PLCH1: variants seen among roughly 807,000 people sequenced by gnomAD.
PLCH1 encodes 1-phosphatidylinositol 4,5-bisphosphate phosphodiesterase eta-1.
PLCH1 carries 60 observed loss-of-function variants against 126.7 expected under a neutral mutation model. That is an observed-to-expected ratio of 0.47 (90% CI 0.38 to 0.59). PLCH1 has a LOEUF of 0.59. Among genes scored for constraint, PLCH1 ranks in the 20% least tolerant of loss-of-function variants. PLCH1 has a pLI of 0.00. For missense variants in PLCH1, 1,723 were observed against 2,040.0 expected (o/e 0.84, Z 2.99); for synonymous variants, 719 against 734.9 (o/e 0.98, Z 0.35).
chr3:155,638,863 A>G (rs1400120124), intron 2 of PLCH1, among the ~76,000 whole-genome samples: 3 of 152,216 alleles, frequency 2.0e-5, no homozygotes, highest in Non-Finnish European at 4.4e-5. Context: ...AAATGATTAA[A>G]GGGTTTGACT....
At chr3:155,610,391 CA>C (rs1287083816) in intron 2 of PLCH1, among the ~76,000 whole-genome samples, 1 of 60,782 alleles carries the variant, frequency 1.6e-5, no homozygotes, top group African/African-American at 1.0e-4. Context: ...AAAAAAAAAC[CA>C]TCACCTAGGC....
At chr3:155,591,655 GTCTCACATTTAA>G (rs1238409099) in intron 4 of PLCH1, among the ~76,000 whole-genome samples, 2 of 152,132 alleles carry the variant, frequency 1.3e-5, no homozygotes, top group Admixed American at 1.3e-4. Context: ...ACATTTTTAT[GTCTCACATTTAA>G]TCTCTAATAT....
chr3:155,727,225 A>G (rs1748403169), intron 1 of PLCH1, among the ~76,000 whole-genome samples: 1 of 151,940 alleles, frequency 6.6e-6, no homozygotes, highest in Non-Finnish European at 1.5e-5. Context: ...TCTTGTGTTT[A>G]GGGGAGGTTT....
chr3:155,637,370 C>G (rs890787270), intron 2 of PLCH1, among the ~76,000 whole-genome samples: 8 of 152,152 alleles, frequency 5.3e-5, no homozygotes, highest in African/African-American at 1.4e-4. Flanking sequence ...TTCGAAAGTT[C>G]TATATGACTT....
intron 21 of PLCH1, among the ~76,000 whole-genome samples, chr3:155,468,125 A>G (rs1039285144): frequency 1.3e-5 from 2 of 152,236 alleles, no homozygotes; most frequent in Non-Finnish European, 2.9e-5. Flanking sequence ...GTTAAAGCAT[A>G]AAGTTTTCAT....
intron 2 of PLCH1, among the ~76,000 whole-genome samples, chr3:155,699,905 A>G (rs773954363): frequency 6.6e-6 from 1 of 151,916 alleles, no homozygotes; most frequent in Non-Finnish European, 1.5e-5. Context: ...AACACTAACT[A>G]CAAAGTTTAC....
chr3:155,523,865 G>A (rs1055551200), intron 11 of PLCH1, 32 bp downstream of exon 11: 2 of 1,247,222 alleles, frequency 1.6e-6, no homozygotes, highest in Non-Finnish European at 2.3e-6. Context: ...AGCATATCAA[G>A]GATAAAAAAT....
At chr3:155,671,841 T>C (rs761212168) in intron 2 of PLCH1, among the ~76,000 whole-genome samples, 64 of 152,260 alleles carry the variant, frequency 4.2e-4, no homozygotes, top group Non-Finnish European at 7.9e-4. Context: ...GTTGGAGATA[T>C]AAAAGTAACA....
chr3:155,604,353 A>G (rs903435618), intron 2 of PLCH1, among the ~76,000 whole-genome samples: 11 of 152,330 alleles, frequency 7.2e-5, no homozygotes, highest in Non-Finnish European at 8.8e-5. Context: ...TCTTCCCAGT[A>G]AAGAACAAAC....
At chr3:155,493,053 T>C (rs1560064681) in intron 17 of PLCH1, among the ~76,000 whole-genome samples, 200 bp from the exon 18 acceptor site, 1 of 152,230 alleles carries the variant, frequency 6.6e-6, no homozygotes, top group East Asian at 1.9e-4. Context: ...TTAAAGCAAG[T>C]GTTTGCAATG....
At chr3:155,728,156 A>G (rs550683228) in intron 1 of PLCH1, among the ~76,000 whole-genome samples, 9 of 152,152 alleles carry the variant, frequency 5.9e-5, no homozygotes, top group Non-Finnish European at 1.2e-4. Context: ...ATTTAGGAAA[A>G]TGATTTTTCT....
intron 2 of PLCH1, among the ~76,000 whole-genome samples, chr3:155,632,445 G>C (rs1316505660): frequency 1.3e-5 from 2 of 152,208 alleles, no homozygotes; most frequent in Admixed American, 6.5e-5. Context: ...CAAATCAGCT[G>C]TAAAGCGGTT....
intron 21 of PLCH1, among the ~76,000 whole-genome samples, chr3:155,465,003 G>A (rs1712874040): frequency 6.6e-6 from 1 of 151,932 alleles, no homozygotes; most frequent in Non-Finnish European, 1.5e-5. Context: ...CAGCTGCTGG[G>A]GAGGCTGAGG....
At chr3:155,451,304 T>C (rs73011515) in intron 21 of PLCH1, among the ~76,000 whole-genome samples, 6,739 of 152,248 alleles carry the variant, frequency 0.044, 366 homozygotes, top group African/African-American at 0.13. Flanking sequence ...TCAATTATCT[T>C]GCCACGAGAA....
intron 11 of PLCH1, among the ~76,000 whole-genome samples, chr3:155,515,386 A>G (rs932385128): frequency 1.3e-5 from 2 of 152,258 alleles, no homozygotes; most frequent in Non-Finnish European, 2.9e-5. Flanking sequence ...TGCTATTAAA[A>G]TAAAACTACT....
intron 19 of PLCH1, among the ~76,000 whole-genome samples, chr3:155,490,068 A>G (rs976007584): frequency 1.3e-5 from 2 of 152,150 alleles, no homozygotes; most frequent in African/African-American, 2.4e-5. Context: ...GGTTTGCCCT[A>G]CTCTGAAACT....
At chr3:155,528,187 G>A (rs1722215174) in intron 10 of PLCH1, among the ~76,000 whole-genome samples, 1 of 144,486 alleles carries the variant, frequency 6.9e-6, no homozygotes, top group Non-Finnish European at 1.5e-5. Context: ...TTGCACCATT[G>A]TACTCCAGCC....
chr3:155,700,857 CA>C (rs1746220569), intron 2 of PLCH1, among the ~76,000 whole-genome samples: 1 of 152,120 alleles, frequency 6.6e-6, no homozygotes, highest in African/African-American at 2.4e-5. Context: ...GCCATTAAGA[CA>C]GGGTTCATAC....
intron 21 of PLCH1, among the ~76,000 whole-genome samples, chr3:155,468,541 T>A (rs987385792): frequency 2.6e-5 from 4 of 151,718 alleles, no homozygotes; most frequent in African/African-American, 9.7e-5. Context: ...AATAAACGGA[T>A]GGAAAAAGGC....
Sources: gnomAD v4.1 joint callset for allele counts (sites outside exome capture counted in the v4.1 genomes callset) on GRCh38, gnomAD v4.1.1 for gene constraint, MANE v1.5 for transcripts, NCBI Gene and HGNC (gene_info 2026-07-23, HGNC 2026-07-21) for gene names.